Variants in STRN observed in about 807,000 individuals in gnomAD.
STRN encodes the protein striatin, also known as protein phosphatase 2 regulatory subunit B'''alpha.
STRN carries 53 observed loss-of-function variants against 96.3 expected under a neutral mutation model. The ratio of observed to expected loss-of-function variants is 0.55; its 90% CI spans 0.44 to 0.69. The LOEUF is 0.69. STRN is among the 30% of genes least tolerant of loss of function. The probability of loss-of-function intolerance (pLI) is 0.00; values close to 1 mark genes in which losing one functional copy is unlikely to be tolerated. For missense variants in STRN, 987 were observed against 963.9 expected (o/e 1.02, Z -0.32); for synonymous variants, 428 against 355.9 (o/e 1.20, Z -2.28).
At chr2:36,957,665 AAAC>A (rs1243936209) in intron 1 of STRN, among the ~76,000 whole-genome samples, 12 of 151,230 alleles carry the variant, frequency 7.9e-5, no homozygotes, top group Admixed American at 2.6e-4. Flanking sequence ...AAAAAACAAA[AAAC>A]AAACAAAAAA....
rs1210527546 is a variant in STRN, at chr2:36,846,709, C to T, written c.*2747G>A. The stretch of plus-strand genomic sequence containing the variant: ...TTGTTTAATGGCAAAAGTTGTTAAA[C>T]TTGTTCAATAGAAAAATACTGAAGG... On this transcript the variant is annotated 3_prime_UTR_variant, in exon 18 of 18. Coordinates refer to ENST00000263918, the MANE Select transcript of STRN (RefSeq NM_003162.4). 1 of 151,680 alleles carries T rather than the reference C, an allele frequency of 6.6e-6. No individual in the cohort carries two copies. The highest frequency in any genetic ancestry group is 1.5e-5 in the Non-Finnish European group (1 of 67,936). 9.4% of individuals were successfully genotyped at this position (151,680 alleles called of 1,614,324 possible).
chr2:36,905,424 C>T, intron 4 of STRN, 116 bp downstream of exon 4: 2 of 887,228 alleles, frequency 2.3e-6, no homozygotes, highest in Middle Eastern at 2.3e-4. Context: ...TAAGCTTTTT[C>T]ACAGCATCTG....
chr2:36,950,394 T>G (rs1664725623), intron 1 of STRN, among the ~76,000 whole-genome samples: 1 of 152,096 alleles, frequency 6.6e-6, no homozygotes, highest in African/African-American at 2.4e-5. Context: ...GTTTGTATTT[T>G]TAGTAGAGAT....
In STRN at chr2:36,846,219, C is replaced by A. The variant is rs1463807836; in HGVS notation, c.*3237G>T. 1 of 150,254 alleles carries A rather than the reference C, an allele frequency of 6.7e-6. No homozygotes were observed. Among genetic ancestry groups the A allele is most frequent in the Non-Finnish European group, 1.5e-5 (1 of 67,622 alleles). The allele number at this position is 150,254 out of a possible 1,614,324, so 9.3% of individuals were successfully genotyped here. ...TACACTAGAATGACAGTCTTTAAAA[C>A]AAGCATGCTAGCCTATAATGAATAT... On this transcript the variant is annotated 3_prime_UTR_variant, in exon 18 of 18. Coordinates refer to ENST00000263918, the MANE Select transcript of STRN (RefSeq NM_003162.4).
chr2:36,953,277 A>G (rs1664804226), intron 1 of STRN, among the ~76,000 whole-genome samples: 1 of 152,120 alleles, frequency 6.6e-6, no homozygotes, highest in Non-Finnish European at 1.5e-5. Context: ...CATCTACAAA[A>G]CAAAATACCT....
chr2:36,927,371 T>C (rs1314827424), intron 1 of STRN, among the ~76,000 whole-genome samples: 3 of 151,934 alleles, frequency 2.0e-5, no homozygotes, highest in Non-Finnish European at 4.4e-5. Flanking sequence ...CAGCCAGGCA[T>C]GGTGGCATGT....
chr2:36,897,485 G>A (rs185389674), intron 6 of STRN, among the ~76,000 whole-genome samples: 2,360 of 151,102 alleles, frequency 0.016, 62 homozygotes, highest in African/African-American at 0.055. Flanking sequence ...ACCCAGGCTG[G>A]AGTGCAGTGG....
chr2:36,916,067 A>G lies in STRN; in HGVS notation c.412+11T>C. 6.2e-7 allele frequency: 1 copy of G among 1,608,866 alleles called. No homozygotes were observed. The highest frequency in any genetic ancestry group is 1.3e-5 in the African/African-American group (1 of 74,950). The stretch of plus-strand genomic sequence containing the variant: ...TTTTTAACACTTAAACTTCCATTAA[A>G]ATTAGCTTACCAGAATCATAGCTTG... On this transcript the variant is annotated intron_variant, in intron 3 of 17. Coordinates refer to ENST00000263918, the MANE Select transcript of STRN (RefSeq NM_003162.4).
intron 1 of STRN, among the ~76,000 whole-genome samples, chr2:36,948,803 C>T (rs559986201): frequency 6.6e-6 from 1 of 152,116 alleles, no homozygotes; most frequent in East Asian, 1.9e-4. Flanking sequence ...TGAGGGTATC[C>T]AAATATCTTA....
At chr2:36,923,737 C>T (rs1021236097) in intron 2 of STRN, among the ~76,000 whole-genome samples, 12 of 151,992 alleles carry the variant, frequency 7.9e-5, no homozygotes, top group Middle Eastern at 3.4e-3. Flanking sequence ...ATCCCATTCA[C>T]CAACTTCAAA....
chr2:36,891,346 G>A (rs1004183365), intron 7 of STRN, among the ~76,000 whole-genome samples: 3 of 152,148 alleles, frequency 2.0e-5, no homozygotes, highest in African/African-American at 7.2e-5. Context: ...GACCAACATG[G>A]TGAAACCCTG....
At chr2:36,914,899 T>C (rs1266422904) in intron 3 of STRN, among the ~76,000 whole-genome samples, 1 of 152,090 alleles carries the variant, frequency 6.6e-6, no homozygotes, top group Non-Finnish European at 1.5e-5. Flanking sequence ...CACTTTAAAA[T>C]TTAAAGTGAA....
Position 36,843,424 on chromosome 2 carries a change from T to G in STRN, c.*6032A>C, listed in dbSNP as rs1370897790. ...GTAGCGAAACAAAAAATAAAAACATTGTATTTATATATGTGTATAAATTTT... is the reference window on the plus strand; with the variant it reads ...GTAGCGAAACAAAAAATAAAAACATGGTATTTATATATGTGTATAAATTTT... On this transcript the variant is annotated 3_prime_UTR_variant, in exon 18 of 18. Coordinates refer to ENST00000263918, the MANE Select transcript of STRN (RefSeq NM_003162.4). Among the ~76,000 whole-genome samples the G allele has an allele frequency of 1.3e-5, 2 of 152,162 alleles. No homozygotes were observed. The highest frequency in any genetic ancestry group is 2.4e-5 in the African/African-American group (1 of 41,442).
Position 36,869,687 on chromosome 2 carries a change from T to C in STRN, c.1366A>G (p.Lys456Glu). 2 of 1,611,112 alleles carry C rather than the reference T, an allele frequency of 1.2e-6. No individual in the cohort carries two copies. Among genetic ancestry groups the C allele is most frequent in the East Asian group, 2.2e-5 (1 of 44,728 alleles). Residue 456 changes from lysine to glutamate, a missense_variant, in exon 11 of 18, where the codon AAG becomes GAG. Lys to Glu is a moderately conservative substitution (Grantham distance 56). Coordinates refer to ENST00000263918, the MANE Select transcript of STRN (RefSeq NM_003162.4). ...KDALRKTWNP[K>E]FTLRSHFDGI... ...TCAAAGTGACTTCTCAATGTAAACTTAGGGTTCCATGTCTTCCTCAATGCA... is the reference window on the plus strand; with the variant it reads ...TCAAAGTGACTTCTCAATGTAAACTCAGGGTTCCATGTCTTCCTCAATGCA...
intron 1 of STRN, among the ~76,000 whole-genome samples, chr2:36,950,213 G>C (rs60994423): frequency 9.2e-6 from 1 of 109,032 alleles, no homozygotes; most frequent in Non-Finnish European, 1.8e-5. Context: ...GTTTGGTTTT[G>C]TTTTTTTTTT....
intron 1 of STRN, among the ~76,000 whole-genome samples, chr2:36,956,920 C>G (rs555414456): frequency 1.3e-5 from 2 of 152,300 alleles, no homozygotes; most frequent in Admixed American, 6.5e-5. Context: ...CTACTGAACG[C>G]AGCCAAAAAT....
intron 14 of STRN, among the ~76,000 whole-genome samples, chr2:36,856,313 TAA>T (rs1394228314): frequency 2.6e-5 from 4 of 152,198 alleles, no homozygotes; most frequent in East Asian, 1.9e-4. Context: ...CCAGCAATTC[TAA>T]GTCTCTACAC....
intron 2 of STRN, among the ~76,000 whole-genome samples, chr2:36,923,569 T>G (rs929460606): frequency 2.6e-5 from 4 of 152,174 alleles, no homozygotes; most frequent in African/African-American, 9.7e-5. Flanking sequence ...GAAACACGTA[T>G]TTTTCACTAA....
intron 10 of STRN, among the ~76,000 whole-genome samples, chr2:36,870,558 T>C (rs1639719453): frequency 1.3e-5 from 2 of 152,316 alleles, no homozygotes; most frequent in South Asian, 4.1e-4. Context: ...AGTAACATCA[T>C]AGCTGTTTTA....
Sources: gnomAD v4.1 joint callset for allele counts (sites outside exome capture counted in the v4.1 genomes callset) on GRCh38, gnomAD v4.1.1 for gene constraint, MANE v1.5 for transcripts, NCBI Gene and HGNC (gene_info 2026-07-23, HGNC 2026-07-21) for gene names.